SPATA17: variants seen among roughly 807,000 people sequenced by gnomAD.
SPATA17 encodes spermatogenesis associated 17.
Under a neutral mutation model 62.2 loss-of-function variants are expected in SPATA17, and 53 were observed. The ratio of observed to expected loss-of-function variants is 0.85; its 90% CI spans 0.68 to 1.07. The LOEUF (loss-of-function observed/expected upper bound fraction) is 1.07. Among genes scored for constraint, SPATA17 ranks in the 50% least tolerant of loss-of-function variants. The probability of loss-of-function intolerance (pLI) is 0.00; values close to 1 mark genes in which losing one functional copy is unlikely to be tolerated. For synonymous variants in SPATA17, 146 were observed against 146.8 expected, an observed-to-expected ratio of 0.99 and a Z score of 0.04; for missense variants, 466 against 425.5, an observed-to-expected ratio of 1.10 and a Z score of -0.84.
intron 6 of SPATA17, among the ~76,000 whole-genome samples, chr1:217,743,116 A>C (rs1571773337): frequency 6.6e-6 from 1 of 151,988 alleles, no homozygotes; most frequent in East Asian, 1.9e-4. Context: ...TCTTCATTTG[A>C]CAGGTAAGGA....
intron 5 of SPATA17, among the ~76,000 whole-genome samples, chr1:217,740,662 G>A (rs957041428): frequency 2.6e-5 from 4 of 152,176 alleles, no homozygotes; most frequent in Non-Finnish European, 5.9e-5. Context: ...TGAGATGCAG[G>A]TCAGAGAGGT....
intron 4 of SPATA17, among the ~76,000 whole-genome samples, chr1:217,681,311 G>T (rs1671079746): frequency 6.6e-6 from 1 of 151,988 alleles, no homozygotes; most frequent in Non-Finnish European, 1.5e-5. Context: ...CATATTTCCA[G>T]TTAGTTTAGT....
chr1:217,681,452 C>T (rs1671082445), intron 4 of SPATA17, among the ~76,000 whole-genome samples: 1 of 151,918 alleles, frequency 6.6e-6, no homozygotes, highest in African/African-American at 2.4e-5. Flanking sequence ...CGGCTCACTG[C>T]AACCTCTGCC....
At chr1:217,698,762 C>T (rs959483353) in intron 5 of SPATA17, among the ~76,000 whole-genome samples, 7 of 151,956 alleles carry the variant, frequency 4.6e-5, no homozygotes, top group African/African-American at 7.3e-5. Flanking sequence ...TAGTTTATGA[C>T]GTGCAGTTTC....
chr1:217,743,974 A>T (rs952731653), intron 6 of SPATA17, among the ~76,000 whole-genome samples: 1 of 152,118 alleles, frequency 6.6e-6, no homozygotes, highest in Non-Finnish European at 1.5e-5. Flanking sequence ...TTGTTGAGAT[A>T]CTGAGTATCT....
rs376041446 is a variant in SPATA17 at position 217,793,215 on chromosome 1, G to GTTTTTT, written c.873-8498_873-8497insTTTTTT. Among the ~76,000 whole-genome samples the GTTTTTT allele has an allele frequency of 4.3e-4, 49 of 114,640 alleles. 7 individuals are homozygous for GTTTTTT. Among genetic ancestry groups the GTTTTTT allele is most frequent in the South Asian group, 6.1e-4 (2 of 3,296 alleles). The allele number at this position is 114,640 out of a possible 152,430, so 75.2% of individuals were successfully genotyped here. On this transcript the variant is annotated intron_variant, in intron 8 of 10. Coordinates refer to ENST00000366933, the MANE Select transcript of SPATA17 (RefSeq NM_138796.4). ...GAATTGCTTTAATGTTAGGGCAGTG[G>GTTTTTT]TTTTTGTTTTTTTTTTTTTTTTTGA...
chr1:217,811,756 T>G (rs758721424), intron 9 of SPATA17, among the ~76,000 whole-genome samples: 3 of 152,112 alleles, frequency 2.0e-5, no homozygotes, highest in Non-Finnish European at 2.9e-5. Flanking sequence ...AATACATAGT[T>G]AGTCATTTTA....
At chr1:217,736,103 A>G (rs1672504875) in intron 5 of SPATA17, among the ~76,000 whole-genome samples, 2 of 152,236 alleles carry the variant, frequency 1.3e-5, no homozygotes, top group Admixed American at 6.5e-5. Flanking sequence ...AAATCAAGAA[A>G]CAGTTTAAAA....
At chr1:217,730,491 G>T (rs533368616) in intron 5 of SPATA17, among the ~76,000 whole-genome samples, 7 of 152,050 alleles carry the variant, frequency 4.6e-5, no homozygotes, top group Non-Finnish European at 7.4e-5. Flanking sequence ...AAAGTGCTGG[G>T]ATTACAGATG....
intron 9 of SPATA17, among the ~76,000 whole-genome samples, chr1:217,828,001 A>T (rs1675041213): frequency 6.6e-6 from 1 of 152,142 alleles, no homozygotes; most frequent in African/African-American, 2.4e-5. Context: ...CCTATGTAAC[A>T]AATGTGCACA....
intron 5 of SPATA17, among the ~76,000 whole-genome samples, chr1:217,741,579 T>C (rs1672626358): frequency 6.6e-6 from 1 of 152,144 alleles, no homozygotes; most frequent in African/African-American, 2.4e-5. Context: ...AATAAATGAT[T>C]AGAGATTTGA....
chr1:217,812,749 C>T (rs1420329926), intron 9 of SPATA17, among the ~76,000 whole-genome samples: 1 of 152,162 alleles, frequency 6.6e-6, no homozygotes, highest in Non-Finnish European at 1.5e-5. Flanking sequence ...GTACTAAAAA[C>T]ATCCTTTTGG....
Position 217,659,264 on chromosome 1 carries a change from G to C in SPATA17, c.240+8086G>C, listed in dbSNP as rs940393971. Among the ~76,000 whole-genome samples, 8 of 149,592 alleles carry C rather than the reference G, an allele frequency of 5.3e-5. No homozygotes were observed. The South Asian group carries it at 6.3e-4, about 12-fold the overall frequency. ...GTATTCAGGTGAGAAGTTAACATAG[G>C]CTCTGAAGGTCAAGGAAATGACACT... On this transcript the variant is annotated intron_variant, in intron 3 of 10. Transcript: ENST00000366933.
chr1:217,795,900 T>A (rs1009594689), intron 8 of SPATA17, among the ~76,000 whole-genome samples: 1 of 152,036 alleles, frequency 6.6e-6, no homozygotes, highest in Admixed American at 6.6e-5. Context: ...CAGGCTCAGG[T>A]GATCCTCCCA....
At chr1:217,796,576 GCT>G (rs1674156526) in intron 8 of SPATA17, among the ~76,000 whole-genome samples, 1 of 152,078 alleles carries the variant, frequency 6.6e-6, no homozygotes, top group South Asian at 2.1e-4. Context: ...GGAAGATATT[GCT>G]GCCTAAATAG....
At chr1:217,660,714 T>C (rs1344663491) in intron 3 of SPATA17, among the ~76,000 whole-genome samples, 1 of 152,128 alleles carries the variant, frequency 6.6e-6, no homozygotes, top group East Asian at 1.9e-4. Flanking sequence ...TCCTTCAACC[T>C]TAGGGCTGAG....
intron 5 of SPATA17, among the ~76,000 whole-genome samples, chr1:217,738,468 G>C (rs140698548): frequency 6.6e-6 from 1 of 152,184 alleles, no homozygotes; most frequent in Non-Finnish European, 1.5e-5. Context: ...CTTACATAGC[G>C]CCTTACTGTG....
At chr1:217,704,661 C>A (rs997109203) in intron 5 of SPATA17, among the ~76,000 whole-genome samples, 2 of 152,126 alleles carry the variant, frequency 1.3e-5, no homozygotes, top group African/African-American at 4.8e-5. Context: ...ATTTGATTTT[C>A]TGTTCCTGCG....
intron 10 of SPATA17, among the ~76,000 whole-genome samples, chr1:217,866,019 C>T (rs903619906): frequency 6.6e-6 from 1 of 152,060 alleles, no homozygotes; most frequent in African/African-American, 2.4e-5. Context: ...ATAGTTAGCA[C>T]CTGGACTGGG....
Sources: gnomAD v4.1 joint callset for allele counts (sites outside exome capture counted in the v4.1 genomes callset) on GRCh38, gnomAD v4.1.1 for gene constraint, MANE v1.5 for transcripts, NCBI Gene and HGNC (gene_info 2026-07-23, HGNC 2026-07-21) for gene names.